SPAG16: variants seen among roughly 807,000 people sequenced by gnomAD.
SPAG16 encodes sperm associated antigen 16.
A neutral mutation model predicts 80.4 loss-of-function variants in SPAG16; 86 were observed. That is an observed-to-expected ratio of 1.07 (90% CI 0.90 to 1.28). SPAG16 has a LOEUF of 1.28. Among genes scored for constraint, SPAG16 ranks in the 50% most tolerant of loss-of-function variants. SPAG16 has a pLI of 0.00. For missense variants in SPAG16, 870 were observed against 765.3 expected, an observed-to-expected ratio of 1.14 and a Z score of -1.61; for synonymous variants, 294 against 265.9, an observed-to-expected ratio of 1.11 and a Z score of -1.03.
rs534797207 is a variant in SPAG16 at position 214,096,244 on chromosome 2, G to C, written c.1528-11952G>C. On this transcript the variant is annotated intron_variant, in intron 13 of 15. Coordinates refer to ENST00000331683, the MANE Select transcript of SPAG16 (RefSeq NM_024532.5). Reference sequence around the variant, plus strand: ...TATTTCCAGTGAATTTTATGATGCTGGTAGTTTTACATAGAGAGGTTGGTT... The same window carrying C: ...TATTTCCAGTGAATTTTATGATGCTCGTAGTTTTACATAGAGAGGTTGGTT... 5.2e-4 allele frequency among the ~76,000 whole-genome samples: 79 copies of C among 151,248 alleles called. No homozygotes were observed. In the South Asian group the frequency reaches 0.014, roughly 26 times the overall value.
chr2:214,199,331 T>A (rs2057944842), intron 15 of SPAG16, among the ~76,000 whole-genome samples: 1 of 152,130 alleles, frequency 6.6e-6, no homozygotes, highest in South Asian at 2.1e-4. Flanking sequence ...TGTTTGTCAG[T>A]TTTCCCAGCA....
chr2:213,468,504 G>GAT lies in SPAG16; in HGVS notation c.943-21448_943-21447dup, dbSNP rs1198735373. On this transcript the variant is annotated intron_variant, in intron 9 of 15. Coordinates refer to ENST00000331683, the MANE Select transcript of SPAG16 (RefSeq NM_024532.5). ...AGATATATATATGTATTTATATATAGATATATATATATCTATGTATTTATA... is the reference window on the plus strand; with the variant it reads ...AGATATATATATGTATTTATATATAGATATATATATATATCTATGTATTTATA... Among the ~76,000 whole-genome samples, 28 of 58,576 alleles carry GAT rather than the reference G, an allele frequency of 4.8e-4. 1 individual carries two copies. The highest frequency in any genetic ancestry group is 4.2e-4 in the Non-Finnish European group (10 of 23,962). 38.4% of individuals were successfully genotyped at this position (58,576 alleles called of 152,430 possible).
intron 9 of SPAG16, among the ~76,000 whole-genome samples, chr2:213,424,121 T>C (rs1325134465): frequency 6.6e-6 from 1 of 152,218 alleles, no homozygotes; most frequent in South Asian, 2.1e-4. Context: ...CAGGGGGAAA[T>C]AAGTGTAGTC....
intron 9 of SPAG16, among the ~76,000 whole-genome samples, chr2:213,378,792 A>C (rs571609728): frequency 6.6e-6 from 1 of 152,250 alleles, no homozygotes; most frequent in South Asian, 2.1e-4. Flanking sequence ...CCAAACCTTC[A>C]TTCCTGAAGG....
At chr2:213,474,966 CAT>C (rs1176372067) in intron 9 of SPAG16, among the ~76,000 whole-genome samples, 6 of 152,194 alleles carry the variant, frequency 3.9e-5, no homozygotes, top group Non-Finnish European at 4.4e-5. Flanking sequence ...AACCATCACA[CAT>C]GTCATCATTG....
chr2:214,015,245 G>T (rs577817611), intron 13 of SPAG16, among the ~76,000 whole-genome samples: 1 of 152,250 alleles, frequency 6.6e-6, no homozygotes, highest in South Asian at 2.1e-4. Flanking sequence ...CTCTTATCAG[G>T]CTAAAAGAGG....
At chr2:213,475,258 T>C (rs1426866260) in intron 9 of SPAG16, among the ~76,000 whole-genome samples, 2 of 152,176 alleles carry the variant, frequency 1.3e-5, no homozygotes, top group African/African-American at 4.8e-5. Flanking sequence ...TCTTAAGTCC[T>C]GTAGAGTTCA....
chr2:214,194,947 A>G (rs921200187), intron 15 of SPAG16, among the ~76,000 whole-genome samples: 5 of 152,080 alleles, frequency 3.3e-5, no homozygotes, highest in African/African-American at 1.2e-4. Flanking sequence ...GGATTTGGGG[A>G]TGAATAAGTA....
chr2:214,069,637 A>C (rs949469643), intron 13 of SPAG16, among the ~76,000 whole-genome samples: 2 of 152,110 alleles, frequency 1.3e-5, no homozygotes, highest in African/African-American at 4.8e-5. Flanking sequence ...TGGGTGGTAA[A>C]AGCATTATCA....
At chr2:214,177,916 C>CATATATATATATATATATATATACATAT (rs10622953) in intron 15 of SPAG16, among the ~76,000 whole-genome samples, 38 of 92,198 alleles carry the variant, frequency 4.1e-4, no homozygotes, top group African/African-American at 1.5e-3. Context: ...TATATATATA[C>CATATATATATATATATATATATACATAT]ATATATATAT....
intron 14 of SPAG16, among the ~76,000 whole-genome samples, chr2:214,120,103 G>A (rs931319459): frequency 2.6e-5 from 4 of 151,808 alleles, no homozygotes; most frequent in African/African-American, 9.7e-5. Context: ...CAGCCATTAT[G>A]TTATTAAATA....
At chr2:213,918,940 C>A (rs13428211) in intron 11 of SPAG16, among the ~76,000 whole-genome samples, 51,319 of 151,896 alleles carry the variant, frequency 0.34, 9,199 homozygotes, top group South Asian at 0.47. Flanking sequence ...GTAATAGTCT[C>A]TGATGGTTAT....
chr2:213,639,139 G>A (rs945832277), intron 10 of SPAG16, among the ~76,000 whole-genome samples: 2 of 152,064 alleles, frequency 1.3e-5, no homozygotes, highest in Non-Finnish European at 2.9e-5. Flanking sequence ...GTCCTTATGT[G>A]TTAGATGAGT....
At chr2:213,853,437 C>T (rs2105915941) in intron 10 of SPAG16, among the ~76,000 whole-genome samples, 1 of 152,162 alleles carries the variant, frequency 6.6e-6, no homozygotes, top group East Asian at 1.9e-4. Flanking sequence ...AGAAATGTGT[C>T]CTATTATAAA....
chr2:214,069,538 G>A (rs2050687942), intron 13 of SPAG16, among the ~76,000 whole-genome samples: 1 of 152,094 alleles, frequency 6.6e-6, no homozygotes, highest in Non-Finnish European at 1.5e-5. Flanking sequence ...ACTCAGAGCT[G>A]CCTTAAACAG....
intron 10 of SPAG16, among the ~76,000 whole-genome samples, chr2:213,621,006 C>T (rs750617655): frequency 5.3e-5 from 8 of 151,856 alleles, no homozygotes; most frequent in Non-Finnish European, 8.8e-5. Context: ...TTTATTTGTA[C>T]TAAAAACTAG....
At chr2:214,076,779 G>A (rs993979251) in intron 13 of SPAG16, among the ~76,000 whole-genome samples, 10 of 152,140 alleles carry the variant, frequency 6.6e-5, no homozygotes, top group Non-Finnish European at 1.2e-4. Flanking sequence ...GTTGGGCAAA[G>A]TTAATAAGTA....
chr2:213,883,392 T>C (rs539948408), intron 11 of SPAG16, among the ~76,000 whole-genome samples: 50 of 152,334 alleles, frequency 3.3e-4, no homozygotes, highest in African/African-American at 1.1e-3. Flanking sequence ...CAGATGATTT[T>C]AATCTTTTTT....
At chr2:213,985,251 T>C (rs1212206634) in intron 12 of SPAG16, among the ~76,000 whole-genome samples, 1 of 152,132 alleles carries the variant, frequency 6.6e-6, no homozygotes, top group Non-Finnish European at 1.5e-5. Flanking sequence ...TTAACACAAT[T>C]GACTTCTAGG....
Sources: gnomAD v4.1 joint callset for allele counts (sites outside exome capture counted in the v4.1 genomes callset) on GRCh38, gnomAD v4.1.1 for gene constraint, MANE v1.5 for transcripts, NCBI Gene and HGNC (gene_info 2026-07-23, HGNC 2026-07-21) for gene names.